The following PARVB variants were observed in gnomAD, a reference collection of about 807,000 sequenced individuals.
PARVB encodes beta-parvin.
In PARVB, 46 loss-of-function variants were observed where a neutral mutation model predicts 47.0. The observed-to-expected ratio is 0.98, with a 90% CI of 0.77 to 1.25. The LOEUF is 1.25. Among genes scored for constraint, PARVB ranks in the 50% most tolerant of loss-of-function variants. PARVB has a pLI of 0.00. For synonymous variants in PARVB, 196 were observed against 196.3 expected (o/e 1.00, Z 0.01); for missense variants, 473 against 471.6 (o/e 1.00, Z -0.03).
chr22:44,090,408 G>A (rs555797345), intron 1 of PARVB, among the ~76,000 whole-genome samples: 3 of 152,346 alleles, frequency 2.0e-5, no homozygotes, highest in South Asian at 2.1e-4. Context: ...TCGTGAGCAC[G>A]TTTCTCATTT....
intron 2 of PARVB, among the ~76,000 whole-genome samples, chr22:44,005,385 T>C (rs2050454351): frequency 6.6e-6 from 1 of 151,536 alleles, no homozygotes; most frequent in African/African-American, 2.4e-5. Flanking sequence ...AGTGCTGAGA[T>C]TACATGTATG....
chr22:44,136,528 C>T lies in PARVB; in HGVS notation c.692+10C>T. 6.2e-7 allele frequency: 1 copy of T among 1,612,432 alleles called. No homozygotes were observed. The highest frequency in any genetic ancestry group is 8.5e-7 in the Non-Finnish European group (1 of 1,178,522). On this transcript the variant is annotated intron_variant, in intron 7 of 12. Transcript: ENST00000338758. ...TGACCACAACTACAGAGTAAGTGGA[C>T]CCCTGTCTTGCCCTTCCAGGCCCTG...
chr22:44,046,176 T>C (rs890584688), intron 1 of PARVB, among the ~76,000 whole-genome samples: 1 of 152,222 alleles, frequency 6.6e-6, no homozygotes, highest in Non-Finnish European at 1.5e-5. Context: ...CGGATGCTGT[T>C]GTCAGTGGGA....
intron 9 of PARVB, chr22:44,149,074 C>G (rs1187852832): frequency 6.6e-6 from 1 of 152,058 alleles, no homozygotes; most frequent in South Asian, 2.1e-4. Context: ...TGGCGAAGGG[C>G]GAGATTATAC....
At chr22:44,166,998 C>T (rs1302728146) in intron 12 of PARVB, among the ~76,000 whole-genome samples, 1 of 152,170 alleles carries the variant, frequency 6.6e-6, no homozygotes, top group African/African-American at 2.4e-5. Flanking sequence ...CCCTGCAGGC[C>T]TGAGACTGCC....
chr22:44,002,716 A>G (rs1745503209), intron 2 of PARVB, among the ~76,000 whole-genome samples: 1 of 152,148 alleles, frequency 6.6e-6, no homozygotes. Flanking sequence ...ACACATACAG[A>G]TTTCAGTTTG....
At chr22:44,104,190 T>A (rs2052516490) in intron 3 of PARVB, 1 of 152,256 alleles carries the variant, frequency 6.6e-6, no homozygotes, top group South Asian at 2.1e-4. Flanking sequence ...TTACTGCAAC[T>A]GTCCCACCAG....
intron 1 of PARVB, among the ~76,000 whole-genome samples, chr22:44,074,784 G>A (rs918620079): frequency 6.6e-5 from 10 of 152,226 alleles, no homozygotes; most frequent in African/African-American, 2.2e-4. Flanking sequence ...GAGCGTGGCC[G>A]TGTGGTGTGC....
At chr22:44,032,754 G>A (rs759465090) in intron 1 of PARVB, among the ~76,000 whole-genome samples, 6 of 152,188 alleles carry the variant, frequency 3.9e-5, no homozygotes, top group African/African-American at 1.2e-4. Flanking sequence ...TGGCAAGTCA[G>A]CTCAGTTTAG....
chr22:44,080,458 C>T (rs762984865), intron 1 of PARVB, among the ~76,000 whole-genome samples: 4 of 152,300 alleles, frequency 2.6e-5, no homozygotes, highest in South Asian at 2.1e-4. Context: ...AGCCATCTCC[C>T]GATCTTTCTC....
chr22:44,014,477 G>A (rs2050556447), intron 2 of PARVB, among the ~76,000 whole-genome samples: 1 of 152,186 alleles, frequency 6.6e-6, no homozygotes, highest in Non-Finnish European at 1.5e-5. Context: ...CTGGCACGAG[G>A]CATATGTGGG....
chr22:44,114,376 C>G (rs556648106), intron 3 of PARVB: 6 of 141,786 alleles, frequency 4.2e-5, no homozygotes, highest in African/African-American at 1.1e-4. Context: ...AACTAAGGCC[C>G]TGCACCAACA....
chr22:44,074,010 G>A (rs1470060580), intron 1 of PARVB, among the ~76,000 whole-genome samples: 1 of 152,250 alleles, frequency 6.6e-6, no homozygotes, highest in Non-Finnish European at 1.5e-5. Flanking sequence ...TGCTGGCTGG[G>A]CTCTGAGGAT....
chr22:44,060,904 T>G (rs1390148021), intron 1 of PARVB, among the ~76,000 whole-genome samples: 1 of 152,184 alleles, frequency 6.6e-6, no homozygotes, highest in African/African-American at 2.4e-5. Flanking sequence ...GGTCACAACA[T>G]TTTCAGCAAC....
rs2054257553 is a variant in PARVB, at chr22:44,170,584, C to T, written c.*1906C>T. The T allele has an allele frequency of 6.6e-6, 1 of 152,150 alleles. No homozygotes were observed. 9.4% of individuals were successfully genotyped at this position (152,150 alleles called of 1,614,324 possible). A position where few individuals can be genotyped will look rare whatever the true frequency, so the allele number is the denominator to read the frequency against. ...TCACTCAGTTATGGGTTGTTCACCC[C>T]CTCGCTCACCCCAGCTCTGCAGAGA... On this transcript the variant is annotated 3_prime_UTR_variant, in exon 13 of 13. Coordinates refer to ENST00000338758, the MANE Select transcript of PARVB (RefSeq NM_013327.5).
At chr22:44,013,000 G>T (rs780888197) in intron 2 of PARVB, among the ~76,000 whole-genome samples, 1 of 151,882 alleles carries the variant, frequency 6.6e-6, no homozygotes, top group Non-Finnish European at 1.5e-5. Context: ...GGGTTCAGGC[G>T]ATTCTCGTGC....
intron 3 of PARVB, among the ~76,000 whole-genome samples, chr22:44,101,924 A>T (rs1036315622): frequency 2.6e-5 from 4 of 152,314 alleles, no homozygotes; most frequent in Middle Eastern, 3.4e-3. Context: ...AGCCACGAAA[A>T]TGTTGTTCTT....
At chr22:44,082,247 G>A (rs1039114366) in intron 1 of PARVB, among the ~76,000 whole-genome samples, 3 of 152,200 alleles carry the variant, frequency 2.0e-5, no homozygotes, top group Non-Finnish European at 4.4e-5. Context: ...GGCCAGGTGC[G>A]GTGGTTCGTG....
At chr22:44,135,421 G>A (rs753542815) in intron 6 of PARVB, among the ~76,000 whole-genome samples, 2 of 152,150 alleles carry the variant, frequency 1.3e-5, no homozygotes, top group Non-Finnish European at 2.9e-5. Flanking sequence ...ACCACGCCCA[G>A]CTAATTTTTG....
Sources: allele counts gnomAD v4.1 joint callset (sites outside exome capture counted in the v4.1 genomes callset), GRCh38; gene constraint gnomAD v4.1.1; transcripts MANE v1.5; gene names NCBI Gene and HGNC (gene_info 2026-07-23, HGNC 2026-07-21).